ST6GALNAC3: variants seen among roughly 807,000 people sequenced by gnomAD.
ST6GALNAC3 encodes the protein ST6 N-acetylgalactosaminide alpha-2,6-sialyltransferase 3.
In ST6GALNAC3, 25 loss-of-function variants were observed where a neutral mutation model predicts 32.7. The ratio of observed to expected loss-of-function variants is 0.76; its 90% CI spans 0.56 to 1.07. The LOEUF (loss-of-function observed/expected upper bound fraction) is 1.07. Among genes scored for constraint, ST6GALNAC3 ranks in the 50% least tolerant of loss-of-function variants. The probability of loss-of-function intolerance (pLI) is 0.00; values close to 1 mark genes in which losing one functional copy is unlikely to be tolerated. For synonymous variants in ST6GALNAC3, 129 were observed against 133.1 expected, an observed-to-expected ratio of 0.97 and a Z score of 0.21; for missense variants, 355 against 382.4, an observed-to-expected ratio of 0.93 and a Z score of 0.60.
chr1:76,557,959 A>C (rs1292763535), intron 3 of ST6GALNAC3, among the ~76,000 whole-genome samples: 2 of 152,184 alleles, frequency 1.3e-5, no homozygotes, highest in African/African-American at 4.8e-5. Flanking sequence ...AAAAGATGAA[A>C]CATGTTAGTA....
chr1:76,286,699 C>T (rs1659800134), intron 1 of ST6GALNAC3, among the ~76,000 whole-genome samples: 1 of 152,230 alleles, frequency 6.6e-6, no homozygotes, highest in African/African-American at 2.4e-5. Context: ...GGCCTCATGG[C>T]CATGCCTCAG....
intron 3 of ST6GALNAC3, among the ~76,000 whole-genome samples, chr1:76,482,052 A>G (rs950625535): frequency 2.0e-5 from 3 of 152,122 alleles, no homozygotes; most frequent in South Asian, 2.1e-4. Flanking sequence ...AAAAAGGCAC[A>G]CAGAATTTCC....
chr1:76,274,971 G>A (rs531823508), intron 1 of ST6GALNAC3, among the ~76,000 whole-genome samples: 36 of 152,298 alleles, frequency 2.4e-4, no homozygotes, highest in African/African-American at 8.4e-4. Context: ...ATGGAGCCCA[G>A]GGTTCTGCTT....
intron 1 of ST6GALNAC3, among the ~76,000 whole-genome samples, chr1:76,121,468 G>A (rs893870865): frequency 7.2e-5 from 11 of 152,298 alleles, no homozygotes; most frequent in Admixed American, 6.5e-4. Context: ...TGTAATCCCA[G>A]CACTTTGGGA....
chr1:76,154,337 A>T (rs1459432029), intron 1 of ST6GALNAC3, among the ~76,000 whole-genome samples: 1 of 152,174 alleles, frequency 6.6e-6, no homozygotes, highest in Non-Finnish European at 1.5e-5. Flanking sequence ...AAGCAATCGT[A>T]CTGGGGAACA....
intron 1 of ST6GALNAC3, among the ~76,000 whole-genome samples, chr1:76,199,540 A>G (rs932179759): frequency 1.3e-5 from 2 of 152,234 alleles, no homozygotes; most frequent in Admixed American, 6.5e-5. Context: ...TCAATATTGT[A>G]TAATTTTTTC....
At chr1:76,104,767 A>G (rs545735457) in intron 1 of ST6GALNAC3, among the ~76,000 whole-genome samples, 1 of 152,146 alleles carries the variant, frequency 6.6e-6, no homozygotes, top group Non-Finnish European at 1.5e-5. Context: ...AAAAAGGTTT[A>G]TTGGACTTAC....
At chr1:76,366,981 G>T (rs1213945639) in intron 2 of ST6GALNAC3, among the ~76,000 whole-genome samples, 1 of 152,172 alleles carries the variant, frequency 6.6e-6, no homozygotes, top group East Asian at 1.9e-4. Context: ...GTCAGAAAAT[G>T]ACAGTGTGGG....
chr1:76,205,862 CCAAA>C (rs1458040601), intron 1 of ST6GALNAC3, among the ~76,000 whole-genome samples: 1 of 152,054 alleles, frequency 6.6e-6, no homozygotes, highest in East Asian at 1.9e-4. Flanking sequence ...CCACGGATCC[CCAAA>C]CAGTGAATGT....
intron 2 of ST6GALNAC3, among the ~76,000 whole-genome samples, chr1:76,404,619 A>C (rs942177809): frequency 3.3e-5 from 5 of 152,108 alleles, no homozygotes; most frequent in Non-Finnish European, 5.9e-5. Flanking sequence ...TAAAACTAGA[A>C]CTCTAAAGAC....
At chr1:76,349,063 C>T (rs1648755136) in intron 2 of ST6GALNAC3, among the ~76,000 whole-genome samples, 1 of 152,072 alleles carries the variant, frequency 6.6e-6, no homozygotes, top group Non-Finnish European at 1.5e-5. Flanking sequence ...TCTGTTTTCT[C>T]CCAATCATAT....
chr1:76,220,223 A>T (rs1033317137), intron 1 of ST6GALNAC3, among the ~76,000 whole-genome samples: 1 of 152,164 alleles, frequency 6.6e-6, no homozygotes, highest in Non-Finnish European at 1.5e-5. Context: ...CTGCAATGTA[A>T]CAGTCTGCTT....
At chr1:76,223,148 C>T (rs990481212) in intron 1 of ST6GALNAC3, among the ~76,000 whole-genome samples, 2 of 152,024 alleles carry the variant, frequency 1.3e-5, no homozygotes, top group Non-Finnish European at 2.9e-5. Flanking sequence ...ACCTAAATGC[C>T]CATTGATGGT....
chr1:76,280,371 C>T (rs74089823), intron 1 of ST6GALNAC3, among the ~76,000 whole-genome samples: 6,471 of 152,220 alleles, frequency 0.043, 447 homozygotes, highest in African/African-American at 0.15. Flanking sequence ...CTCTTTTCTT[C>T]CTAGAACTAA....
intron 3 of ST6GALNAC3, among the ~76,000 whole-genome samples, chr1:76,598,738 T>TA (rs34725000): frequency 0.01 from 1,477 of 145,192 alleles, 11 homozygotes; most frequent in African/African-American, 0.018. Context: ...CTTCACAAAT[T>TA]AAAAAAAAAA....
At position 76,631,314 on chromosome 1, in the gene ST6GALNAC3, AAAAC is replaced by A. The variant is rs1393828995; in HGVS notation, c.*2511_*2514del. ...TACAAACAGGAAACAAAAAAAAAAA[AAAAC>A]AAGTTTTTCTCAATTTGGAGACTCA... On this transcript the variant is annotated 3_prime_UTR_variant, in exon 5 of 5. Coordinates refer to ENST00000328299, the MANE Select transcript of ST6GALNAC3 (RefSeq NM_152996.4). 15 of 151,876 alleles carry A rather than the reference AAAAC, an allele frequency of 9.9e-5. No homozygotes were observed. Among genetic ancestry groups the A allele is most frequent in the African/African-American group, 3.1e-4 (13 of 41,392 alleles). The allele number at this position is 151,876 out of a possible 1,614,324, so 9.4% of individuals were successfully genotyped here.
At chr1:76,192,299 A>T (rs909369865) in intron 1 of ST6GALNAC3, among the ~76,000 whole-genome samples, 2 of 152,196 alleles carry the variant, frequency 1.3e-5, no homozygotes, top group Admixed American at 6.5e-5. Flanking sequence ...AATTTTGGGC[A>T]CAGAAAACAT....
chr1:76,631,093 T>C lies in ST6GALNAC3; in HGVS notation c.*2287T>C. On this transcript the variant is annotated 3_prime_UTR_variant, in exon 5 of 5. Coordinates refer to ENST00000328299, the MANE Select transcript of ST6GALNAC3 (RefSeq NM_152996.4). ...GTTGTAGCTTTCTCTGATGAAGACT[T>C]CTGCAGTATATTGTATCCCTCACTC... 1.1e-6 allele frequency: 1 copy of C among 912,166 alleles called. No individual in the cohort carries two copies. Among genetic ancestry groups the C allele is most frequent in the Non-Finnish European group, 1.3e-6 (1 of 763,232 alleles). The allele number at this position is 912,166 out of a possible 1,614,324, so 56.5% of individuals were successfully genotyped here. A position where few individuals can be genotyped will look rare whatever the true frequency, so the allele number is the denominator to read the frequency against.
At chr1:76,189,180 GGCTGTAT>G (rs1398806745) in intron 1 of ST6GALNAC3, among the ~76,000 whole-genome samples, 2 of 152,180 alleles carry the variant, frequency 1.3e-5, no homozygotes, top group Non-Finnish European at 2.9e-5. Flanking sequence ...GGCCCTGCAG[GGCTGTAT>G]GGTCTCACAG....
Sources: gnomAD v4.1 joint callset for allele counts (sites outside exome capture counted in the v4.1 genomes callset) on GRCh38, gnomAD v4.1.1 for gene constraint, MANE v1.5 for transcripts, NCBI Gene and HGNC (gene_info 2026-07-23, HGNC 2026-07-21) for gene names.